The following GCNT2 variants were observed in gnomAD, a reference collection of about 807,000 sequenced individuals.
The protein encoded by GCNT2 is glucosaminyl (N-acetyl) transferase 2 (I blood group).
In GCNT2, 34 loss-of-function variants were observed where a neutral mutation model predicts 34.2. The ratio of observed to expected loss-of-function variants is 1.00; its 90% CI spans 0.76 to 1.32. The LOEUF is 1.32. GCNT2 is among the 40% of genes most tolerant of loss of function. The pLI, the probability that GCNT2 is intolerant of heterozygous loss-of-function variation, is 0.00. For missense variants in GCNT2, 584 were observed against 489.4 expected (o/e 1.19, Z -1.82); for synonymous variants, 212 against 188.0 (o/e 1.13, Z -1.04).
At chr6:10,528,541 AT>A in intron 2 of GCNT2, 89 bp from the exon 3 acceptor site, 1 of 333,716 alleles carries the variant, frequency 3.0e-6, no homozygotes, top group Non-Finnish European at 5.7e-6. Context: ...GACTTGCAGA[AT>A]GGTCACCTCA....
intron 3 of GCNT2, among the ~76,000 whole-genome samples, chr6:10,533,800 C>CAA (rs869274003): frequency 4.8e-4 from 21 of 43,372 alleles, no homozygotes; most frequent in South Asian, 1.2e-3. Context: ...GACTCTGTCT[C>CAA]AAAAAAAAAA....
Position 10,529,381 on chromosome 6 carries a change from A to T in GCNT2, c.470A>T (p.Glu157Val). 6.2e-7 allele frequency: 1 copy of T among 1,614,082 alleles called. No homozygotes were observed. ...FPNAFLASKK[E>V]SVVYGGISRL... ...AATGCTTTTCTGGCTTCCAAGAAGG[A>T]GTCGGTTGTCTATGGGGGGATCTCC... is the stretch of plus-strand genomic sequence containing the variant. Residue 157 changes from glutamate to valine, a missense_variant, in exon 3 of 5, where the codon GAG (glutamate) becomes GTG (valine). Coordinates refer to ENST00000495262, the MANE Select transcript of GCNT2 (RefSeq NM_145649.5).
intron 3 of GCNT2, among the ~76,000 whole-genome samples, chr6:10,559,398 A>C (rs1762870484): frequency 6.6e-6 from 1 of 152,218 alleles, no homozygotes; most frequent in Non-Finnish European, 1.5e-5. Context: ...ATGCCATGGC[A>C]TGCTGGCTTC....
At chr6:10,586,241 CA>C (rs1581448074) in intron 3 of GCNT2, 1 of 1,614,166 alleles carries the variant, frequency 6.2e-7, no homozygotes, top group Non-Finnish European at 8.5e-7. Flanking sequence ...ATCACTACAT[CA>C]CAAGTCCCCT....
intron 3 of GCNT2, among the ~76,000 whole-genome samples, chr6:10,558,927 C>A (rs1466602411): frequency 4.6e-5 from 7 of 152,226 alleles, no homozygotes; most frequent in Admixed American, 1.3e-4. Flanking sequence ...TACTTAGGAG[C>A]TGATTTTCAT....
intron 3 of GCNT2, chr6:10,575,142 G>T (rs567955814): frequency 1.2e-5 from 5 of 420,584 alleles, no homozygotes; most frequent in Non-Finnish European, 2.2e-5. Flanking sequence ...TCACATATAC[G>T]TGGCCAAAGG....
intron 3 of GCNT2, among the ~76,000 whole-genome samples, chr6:10,551,308 C>G (rs1301245154): frequency 6.6e-6 from 1 of 152,090 alleles, no homozygotes; most frequent in Admixed American, 6.6e-5. Flanking sequence ...GCAGATTACA[C>G]CAGCTCACAC....
At chr6:10,603,470 C>T (rs1423951438) in intron 3 of GCNT2, among the ~76,000 whole-genome samples, 2 of 152,196 alleles carry the variant, frequency 1.3e-5, no homozygotes, top group East Asian at 1.9e-4. Flanking sequence ...GGGAAGCACC[C>T]GTGTCAGTCC....
chr6:10,617,411 C>T (rs116660842), intron 3 of GCNT2, among the ~76,000 whole-genome samples: 6,476 of 152,304 alleles, frequency 0.043, 185 homozygotes, highest in Non-Finnish European at 0.063. Flanking sequence ...CCACACCTCC[C>T]AGCAAGCTGA....
chr6:10,528,738 GGAAGAA>G lies in GCNT2; in HGVS notation c.-170_-165del. On this transcript the variant is annotated 5_prime_UTR_variant, in exon 3 of 5. Transcript: ENST00000495262. ...TGCAACCTAGTGGTAAGTGAAGAGG[GGAAGAA>G]GAAAGAAAAAGGACCAGAACCGTGA... 1.5e-6 allele frequency: 1 copy of G among 646,942 alleles called. No individual in the cohort carries two copies. The highest frequency in any genetic ancestry group is 4.2e-4 in the Middle Eastern group (1 of 2,402). 40.1% of individuals were successfully genotyped at this position (646,942 alleles called of 1,614,324 possible). A position where few individuals can be genotyped will look rare whatever the true frequency, so the allele number is the denominator to read the frequency against.
At chr6:10,601,514 C>A (rs1765084885) in intron 3 of GCNT2, among the ~76,000 whole-genome samples, 1 of 152,292 alleles carries the variant, frequency 6.6e-6, no homozygotes, top group African/African-American at 2.4e-5. Context: ...TATCAGAATT[C>A]TTACAGGAAA....
chr6:10,623,197 A>G (rs938303599), intron 4 of GCNT2, among the ~76,000 whole-genome samples: 1 of 151,444 alleles, frequency 6.6e-6, no homozygotes, highest in Non-Finnish European at 1.5e-5. Flanking sequence ...TTTTCATGCA[A>G]CTGTAAAGAA....
At chr6:10,569,688 C>G (rs1270333281) in intron 3 of GCNT2, among the ~76,000 whole-genome samples, 4 of 152,178 alleles carry the variant, frequency 2.6e-5, no homozygotes, top group Non-Finnish European at 5.9e-5. Flanking sequence ...CATAGTGGAC[C>G]ATTTGCAGTC....
intron 4 of GCNT2, among the ~76,000 whole-genome samples, chr6:10,622,376 G>C (rs1321852354): frequency 1.3e-5 from 2 of 151,834 alleles, no homozygotes; most frequent in Non-Finnish European, 2.9e-5. Flanking sequence ...GTTTATTAAG[G>C]CCTCTCTGCT....
intron 3 of GCNT2, among the ~76,000 whole-genome samples, chr6:10,539,796 G>A (rs1761955969): frequency 6.6e-6 from 1 of 152,210 alleles, no homozygotes; most frequent in Non-Finnish European, 1.5e-5. Context: ...TAGAAATCAG[G>A]TATGTGAGGC....
At chr6:10,586,221 C>G in intron 3 of GCNT2, 2 of 1,614,154 alleles carry the variant, frequency 1.2e-6, no homozygotes, top group Non-Finnish European at 1.7e-6. Context: ...CAAGGATTAC[C>G]TGACCCAGAA....
At chr6:10,541,233 A>G (rs979711191) in intron 3 of GCNT2, among the ~76,000 whole-genome samples, 47 of 152,080 alleles carry the variant, frequency 3.1e-4, no homozygotes, top group Admixed American at 2.6e-3. Flanking sequence ...GTTCTCATCA[A>G]TCAGCTCCCA....
chr6:10,540,140 GAAGA>G (rs746435400), intron 3 of GCNT2, among the ~76,000 whole-genome samples: 15 of 152,016 alleles, frequency 9.9e-5, no homozygotes, highest in Non-Finnish European at 2.1e-4. Flanking sequence ...AGGAAGGAAG[GAAGA>G]GAGGGAGAGA....
chr6:10,569,861 C>T (rs6913449), intron 3 of GCNT2, among the ~76,000 whole-genome samples: 1 of 114,744 alleles, frequency 8.7e-6, no homozygotes, highest in Non-Finnish European at 2.2e-5. Context: ...CTTTCTTTCT[C>T]TTTCTTTCTT....
Sources: allele counts gnomAD v4.1 joint callset (sites outside exome capture counted in the v4.1 genomes callset), GRCh38; gene constraint gnomAD v4.1.1; transcripts MANE v1.5; gene names NCBI Gene and HGNC (gene_info 2026-07-23, HGNC 2026-07-21).